The following OAT variants were observed in gnomAD, a reference collection of about 807,000 sequenced individuals.
OAT encodes the protein ornithine aminotransferase, mitochondrial.
Under a neutral mutation model 48.4 loss-of-function variants are expected in OAT, and 35 were observed. The observed-to-expected ratio is 0.72, with a 90% CI of 0.55 to 0.96. The LOEUF (loss-of-function observed/expected upper bound fraction) is 0.96. Ranked by LOEUF, OAT falls within the 40% of genes least tolerant of loss-of-function variation. OAT has a pLI of 0.00. For missense variants in OAT, 438 were observed against 537.9 expected (o/e 0.81, Z 1.84); for synonymous variants, 182 against 198.4 (o/e 0.92, Z 0.70).
intron 4 of OAT, among the ~76,000 whole-genome samples, chr10:124,407,995 C>T (rs1489054259): frequency 3.3e-5 from 5 of 152,006 alleles, no homozygotes; most frequent in Non-Finnish European, 5.9e-5. Flanking sequence ...ACTAACTTCA[C>T]CCAACCCCAG....
intron 2 of OAT, among the ~76,000 whole-genome samples, chr10:124,410,839 T>C (rs896188491): frequency 1.5e-4 from 23 of 151,908 alleles, no homozygotes; most frequent in Admixed American, 9.8e-4. Context: ...TAAGTATTTA[T>C]GGGTAAAGAG....
At chr10:124,415,692 C>A (rs1951897306) in intron 1 of OAT, among the ~76,000 whole-genome samples, 4 of 152,058 alleles carry the variant, frequency 2.6e-5, no homozygotes, top group Admixed American at 2.0e-4. Context: ...AGTTTGGAGA[C>A]CGGGATTTTA....
intron 6 of OAT, 33 bp downstream of exon 6, chr10:124,403,765 T>A (rs746600769): frequency 6.2e-7 from 1 of 1,613,612 alleles, no homozygotes; most frequent in African/African-American, 1.3e-5. Context: ...TAACTCGACA[T>A]TCAGCCTTAT....
chr10:124,413,385 T>C (rs1201987456), intron 1 of OAT, among the ~76,000 whole-genome samples: 1 of 151,956 alleles, frequency 6.6e-6, no homozygotes, highest in Non-Finnish European at 1.5e-5. Flanking sequence ...TGAAAAATTG[T>C]AGCATAAAAG....
Position 124,397,871 on chromosome 10 carries a change from G to T in OAT, c.*71C>A, listed in dbSNP as rs1398589737. 6.3e-7 allele frequency: 1 copy of T among 1,589,590 alleles called. No homozygotes were observed. Among genetic ancestry groups the T allele is most frequent in the Non-Finnish European group, 8.6e-7 (1 of 1,159,394 alleles). ...ATGGGAGTGGAATGTGCCCACATTA[G>T]GAATAAAGCTTTTACAGGACCACCT... is the stretch of plus-strand genomic sequence containing the variant. On this transcript the variant is annotated 3_prime_UTR_variant, in exon 10 of 10. Transcript: ENST00000368845.
intron 5 of OAT, among the ~76,000 whole-genome samples, chr10:124,404,619 C>T (rs1195625887): frequency 6.6e-6 from 1 of 152,042 alleles, no homozygotes; most frequent in African/African-American, 2.4e-5. Context: ...GAGACAGGCT[C>T]TCCCTATGCT....
chr10:124,408,713 T>C, intron 3 of OAT, 28 bp downstream of exon 3: 1 of 1,581,016 alleles, frequency 6.3e-7, no homozygotes, highest in Non-Finnish European at 8.7e-7. Flanking sequence ...TTTTTGAGGG[T>C]ATTTAACAAA....
rs1156837612 is a variant in OAT at position 124,411,189 on chromosome 10, C to T, written c.199+784G>A. 2.2e-5 allele frequency among the ~76,000 whole-genome samples: 3 copies of T among 136,894 alleles called. No homozygotes were observed. The Admixed American group carries it at 2.3e-4, about 10-fold the overall frequency. The allele number at this position is 136,894 out of a possible 152,430, so 89.8% of individuals were successfully genotyped here. On this transcript the variant is annotated intron_variant, in intron 2 of 9. Transcript: ENST00000368845. ...AGAAGAAGAGATGTCATGTCTGCAA[C>T]TTCCTCTCAAAACAGTTCAGAAAAC...
At position 124,403,920 on chromosome 10, in the gene OAT, G is replaced by A. The variant is rs370970194; in HGVS notation, c.649C>T (p.Arg217Cys). ...GCCACATTTGGATCCTGAAGAGCAC[G>A]CTACAGAAGAAACAGGAATAAGTTT... ...IPYNDLPALERALQDPNVAAF... is the reference protein window; with the variant it reads ...IPYNDLPALECALQDPNVAAF... The change falls in exon 6 of 10, where the codon CGT (arginine) becomes TGT (cysteine). Residue 217 changes from arginine to cysteine, a missense_variant and splice_region_variant. Arg to Cys is a radical substitution (Grantham distance 180). Coordinates refer to ENST00000368845, the MANE Select transcript of OAT (RefSeq NM_000274.4). 24 of 1,613,898 alleles carry A rather than the reference G, an allele frequency of 1.5e-5. No individual in the cohort carries two copies. The highest frequency in any genetic ancestry group is 1.6e-4 in the Middle Eastern group (1 of 6,082).
intron 6 of OAT, chr10:124,403,323 G>A (rs1005559010): frequency 1.5e-5 from 8 of 535,520 alleles, no homozygotes; most frequent in Non-Finnish European, 2.3e-5. Context: ...TGATGCAAAG[G>A]TGAGGGTTTT....
At chr10:124,407,202 G>C (rs924616680) in intron 4 of OAT, 2 of 985,296 alleles carry the variant, frequency 2.0e-6, no homozygotes, top group Admixed American at 1.2e-4. Context: ...GTTTGTTTAA[G>C]AAGAAATGCA....
chr10:124,398,847 T>C (rs1245867011), intron 9 of OAT, among the ~76,000 whole-genome samples: 3 of 151,762 alleles, frequency 2.0e-5, no homozygotes, highest in Non-Finnish European at 4.4e-5. Flanking sequence ...AAACCCCATC[T>C]CTAATAAAAA....
chr10:124,418,647 G>T (rs1016214669), intron 1 of OAT, among the ~76,000 whole-genome samples: 3 of 151,890 alleles, frequency 2.0e-5, no homozygotes, highest in Admixed American at 1.3e-4. Context: ...CTGAAGCTGC[G>T]CGCCGGCCGG....
chr10:124,418,710 AG>A (rs1189628918), intron 1 of OAT, among the ~76,000 whole-genome samples, 162 bp downstream of exon 1: 5 of 151,978 alleles, frequency 3.3e-5, no homozygotes, highest in Admixed American at 1.3e-4. Context: ...GGGCCGCTGA[AG>A]CGGGGCTCGT....
At chr10:124,404,271 A>ATT (rs71026081) in intron 5 of OAT, among the ~76,000 whole-genome samples, 18 of 141,274 alleles carry the variant, frequency 1.3e-4, no homozygotes, top group East Asian at 2.1e-4. Flanking sequence ...ATTTATTTTC[A>ATT]TTTTTTTTTT....
At position 124,401,715 on chromosome 10, in the gene OAT, T is replaced by G. The variant is rs947644301; in HGVS notation, c.1014+11A>C. The G allele has an allele frequency of 7.7e-6, 12 of 1,557,488 alleles. No homozygotes were observed. The highest frequency in any genetic ancestry group is 1.1e-5 in the Non-Finnish European group (12 of 1,128,958). On this transcript the variant is annotated intron_variant, in intron 8 of 9. Transcript: ENST00000368845. Reference sequence around the variant, plus strand: ...AAAGAATAGACACTGTGTGGCTGTATCAGTCTTTACCTCAAGGGCTGCGAT... The same window carrying G: ...AAAGAATAGACACTGTGTGGCTGTAGCAGTCTTTACCTCAAGGGCTGCGAT...
chr10:124,401,991 C>T, intron 7 of OAT, 152 bp from the exon 8 acceptor site: 3 of 680,398 alleles, frequency 4.4e-6, no homozygotes, highest in Non-Finnish European at 8.1e-6. Flanking sequence ...AAGCAATTCT[C>T]CTGCCTCAGC....
At chr10:124,398,908 T>C (rs576740230) in intron 9 of OAT, among the ~76,000 whole-genome samples, 3 of 152,116 alleles carry the variant, frequency 2.0e-5, no homozygotes, top group African/African-American at 7.2e-5. Context: ...TCCCAGCTAC[T>C]CAGGAGGCTG....
At chr10:124,414,054 A>C (rs1247620244) in intron 1 of OAT, 1 of 152,040 alleles carries the variant, frequency 6.6e-6, no homozygotes, top group East Asian at 1.9e-4. Flanking sequence ...AAAAGCTTAA[A>C]GATAAATTCA....
Sources: allele counts gnomAD v4.1 joint callset (sites outside exome capture counted in the v4.1 genomes callset), GRCh38; gene constraint gnomAD v4.1.1; transcripts MANE v1.5; gene names NCBI Gene and HGNC (gene_info 2026-07-23, HGNC 2026-07-21).